Variants in NEDD4L observed in about 807,000 individuals in gnomAD.
NEDD4L encodes the protein NEDD4 like E3 ubiquitin protein ligase, also known as E3 ubiquitin-protein ligase NEDD4-like.
Under a neutral mutation model 148.9 loss-of-function variants are expected in NEDD4L, and 54 were observed. That is an observed-to-expected ratio of 0.36 (90% CI 0.29 to 0.45). NEDD4L has a LOEUF of 0.45. Among genes scored for constraint, NEDD4L ranks in the 20% least tolerant of loss-of-function variants. The probability of loss-of-function intolerance (pLI) is 1.00; values close to 1 mark genes in which losing one functional copy is unlikely to be tolerated. For synonymous variants in NEDD4L, 433 were observed against 440.7 expected, an observed-to-expected ratio of 0.98 and a Z score of 0.22; for missense variants, 856 against 1,233.8, an observed-to-expected ratio of 0.69 and a Z score of 4.59.
chr18:58,390,969 C>T (rs535419589), intron 29 of NEDD4L, among the ~76,000 whole-genome samples: 1 of 151,772 alleles, frequency 6.6e-6, no homozygotes, highest in Admixed American at 6.6e-5. Context: ...GTGAAGAGGT[C>T]CATAAGGCTG....
At chr18:58,206,647 A>G (rs898589083) in intron 2 of NEDD4L, among the ~76,000 whole-genome samples, 15 of 152,188 alleles carry the variant, frequency 9.9e-5, no homozygotes, top group Admixed American at 6.5e-5. Context: ...TGGCAACAGA[A>G]CTTAAGATAT....
chr18:58,220,436 C>T (rs1486581648), intron 2 of NEDD4L, among the ~76,000 whole-genome samples: 1 of 152,100 alleles, frequency 6.6e-6, no homozygotes, highest in Non-Finnish European at 1.5e-5. Context: ...GGCACTGTCC[C>T]CCTGTCTCCA....
intron 5 of NEDD4L, among the ~76,000 whole-genome samples, chr18:58,288,620 G>T (rs888581669): frequency 1.3e-5 from 2 of 152,136 alleles, no homozygotes; most frequent in Non-Finnish European, 2.9e-5. Context: ...GGAAATTTTG[G>T]TTAATGTTAA....
rs187855000 is a variant in NEDD4L, at chr18:58,218,893, A to G, written c.123-26534A>G. Reference sequence around the variant, plus strand: ...GTTAGAATAGCTTCAGGCTTCCCTCAGTGAATAGTATTGTGAAGGCAGTGG... The same window carrying G: ...GTTAGAATAGCTTCAGGCTTCCCTCGGTGAATAGTATTGTGAAGGCAGTGG... On this transcript the variant is annotated intron_variant, in intron 2 of 30. Transcript: ENST00000400345. Among the ~76,000 whole-genome samples, 9 of 152,276 alleles carry G rather than the reference A, an allele frequency of 5.9e-5. No individual in the cohort carries two copies. In the East Asian group the frequency reaches 1.7e-3, roughly 29 times the overall value.
At position 58,302,817 on chromosome 18, in the gene NEDD4L, A is replaced by G. The variant is rs529446345; in HGVS notation, c.298-13165A>G. On this transcript the variant is annotated intron_variant, in intron 5 of 30. Coordinates refer to ENST00000400345, the MANE Select transcript of NEDD4L (RefSeq NM_001144967.3). Reference sequence around the variant, plus strand: ...AGCAAGCAACAGTACCCAAGGCTCCATGCCCCAGGCCTGGGAGGACCCCTC... The same window carrying G: ...AGCAAGCAACAGTACCCAAGGCTCCGTGCCCCAGGCCTGGGAGGACCCCTC... Among the ~76,000 whole-genome samples the G allele has an allele frequency of 4.6e-5, 7 of 152,336 alleles. No individual in the cohort carries two copies. In the East Asian group the frequency reaches 1.2e-3, roughly 25 times the overall value.
chr18:58,361,378 A>G (rs549357031), intron 19 of NEDD4L, among the ~76,000 whole-genome samples: 1 of 152,352 alleles, frequency 6.6e-6, no homozygotes, highest in African/African-American at 2.4e-5. Flanking sequence ...AATAGCATTT[A>G]GTAAGTGATG....
intron 20 of NEDD4L, among the ~76,000 whole-genome samples, chr18:58,365,525 G>A (rs1056124063): frequency 2.0e-5 from 3 of 152,178 alleles, no homozygotes; most frequent in Non-Finnish European, 4.4e-5. Context: ...CACTCCCCAT[G>A]GCAACAAAAT....
intron 5 of NEDD4L, among the ~76,000 whole-genome samples, chr18:58,280,293 G>C (rs895682609): frequency 6.6e-6 from 1 of 152,072 alleles, no homozygotes; most frequent in Non-Finnish European, 1.5e-5. Flanking sequence ...CCATTCCACT[G>C]TCTGGCCCCA....
intron 2 of NEDD4L, among the ~76,000 whole-genome samples, chr18:58,205,487 G>A (rs117915682): frequency 1.8e-3 from 270 of 151,452 alleles, no homozygotes; most frequent in African/African-American, 6.1e-3. Flanking sequence ...TGACTAGAGG[G>A]GTGTGTGTGT....
chr18:58,145,028 A>G (rs1440273025), intron 1 of NEDD4L, among the ~76,000 whole-genome samples: 1 of 152,118 alleles, frequency 6.6e-6, no homozygotes, highest in Admixed American at 6.5e-5. Context: ...AGCAGGCACC[A>G]CCACTGGGCC....
chr18:58,099,624 A>C lies in NEDD4L; in HGVS notation c.48+54916A>C, dbSNP rs113758021. Among the ~76,000 whole-genome samples the C allele has an allele frequency of 2.5e-3, 378 of 152,346 alleles. 1 individual carries two copies. Among genetic ancestry groups the C allele is most frequent in the Non-Finnish European group, 4.2e-3 (289 of 68,034 alleles). The stretch of plus-strand genomic sequence containing the variant: ...TCACATGTTAATGGGAATTGAATGC[A>C]TGCATTAAACACAACACCAGCGGGT... On this transcript the variant is annotated intron_variant, in intron 1 of 30. Transcript: ENST00000400345.
At chr18:58,225,516 A>AT (rs1398705238) in intron 2 of NEDD4L, among the ~76,000 whole-genome samples, 1 of 152,154 alleles carries the variant, frequency 6.6e-6, no homozygotes, top group Non-Finnish European at 1.5e-5. Flanking sequence ...TTTGCTTCTT[A>AT]TTTTTTAAGA....
chr18:58,271,657 C>T (rs1166104372), intron 5 of NEDD4L, among the ~76,000 whole-genome samples: 1 of 152,098 alleles, frequency 6.6e-6, no homozygotes, highest in Non-Finnish European at 1.5e-5. Flanking sequence ...AAATTATAAA[C>T]CAAGGTGTAT....
chr18:58,351,921 A>G (rs1003191960), intron 18 of NEDD4L, among the ~76,000 whole-genome samples: 1 of 152,212 alleles, frequency 6.6e-6, no homozygotes, highest in Non-Finnish European at 1.5e-5. Context: ...GGCCACAAGT[A>G]ATCCTCACAC....
At chr18:58,354,086 T>G (rs1395926900) in intron 18 of NEDD4L, among the ~76,000 whole-genome samples, 1 of 152,232 alleles carries the variant, frequency 6.6e-6, no homozygotes, top group Non-Finnish European at 1.5e-5. Context: ...TTTAGACTCC[T>G]CGATTCCTTT....
intron 1 of NEDD4L, among the ~76,000 whole-genome samples, chr18:58,119,677 G>C (rs549479306): frequency 1.3e-5 from 2 of 152,344 alleles, no homozygotes; most frequent in Admixed American, 1.3e-4. Context: ...GCCCCTGCTG[G>C]ACCCTGTGTA....
chr18:58,250,222 T>A (rs917066138), intron 4 of NEDD4L, among the ~76,000 whole-genome samples: 1 of 149,578 alleles, frequency 6.7e-6, no homozygotes, highest in East Asian at 2.0e-4. Flanking sequence ...CAATCTTAGC[T>A]CACTGCAACC....
chr18:58,217,408 T>C (rs543812513), intron 2 of NEDD4L, among the ~76,000 whole-genome samples: 7 of 152,372 alleles, frequency 4.6e-5, no homozygotes, highest in African/African-American at 1.4e-4. Context: ...ATCTGAATTC[T>C]TCTCATTTGG....
At position 58,056,894 on chromosome 18, in the gene NEDD4L, C is replaced by CTT. The variant is rs74183230; in HGVS notation, c.48+12201_48+12202dup. On this transcript the variant is annotated intron_variant, in intron 1 of 30. Transcript: ENST00000400345. Reference sequence around the variant, plus strand: ...CCATGCCCAGCCAGAGCTATGCCCTCTTTTTTTTTTTTTTTTGTTTGTTTG... The same window carrying CTT: ...CCATGCCCAGCCAGAGCTATGCCCTCTTTTTTTTTTTTTTTTTTGTTTGTTTG... 3.4e-3 allele frequency among the ~76,000 whole-genome samples: 411 copies of CTT among 121,582 alleles called. 6 individuals carry two copies. Among genetic ancestry groups the CTT allele is most frequent in the African/African-American group, 0.011 (371 of 34,608 alleles). 79.8% of individuals were successfully genotyped at this position (121,582 alleles called of 152,430 possible). A position where few individuals can be genotyped will look rare whatever the true frequency, so the allele number is the denominator to read the frequency against.
Sources: gnomAD v4.1 joint callset for allele counts (sites outside exome capture counted in the v4.1 genomes callset) on GRCh38, gnomAD v4.1.1 for gene constraint, MANE v1.5 for transcripts, NCBI Gene and HGNC (gene_info 2026-07-23, HGNC 2026-07-21) for gene names.